Variants in SHQ1 observed in about 807,000 individuals in gnomAD.
The protein encoded by SHQ1 is SHQ1, H/ACA ribonucleoprotein assembly factor, also known as protein SHQ1 homolog.
Under a neutral mutation model 53.8 loss-of-function variants are expected in SHQ1, and 49 were observed. The observed-to-expected ratio is 0.91, with a 90% confidence interval of 0.72 to 1.16. The LOEUF (loss-of-function observed/expected upper bound fraction) is 1.16. SHQ1 is among the 50% of genes most tolerant of loss of function. SHQ1 has a pLI of 0.00. For missense variants in SHQ1, 738 were observed against 683.1 expected (o/e 1.08, Z -0.90); for synonymous variants, 243 against 251.0 (o/e 0.97, Z 0.30).
In SHQ1 at chr3:72,750,248, C is replaced by T. The variant is rs149286555; in HGVS notation, c.*36G>A. ...CATTCGGTAAATGAAACCCAATCTA[C>T]CATATTTCTCAACAATGAATAAAAC... On this transcript the variant is annotated 3_prime_UTR_variant, in exon 11 of 11. Transcript: ENST00000325599. 3,587 of 1,473,972 alleles carry T rather than the reference C, an allele frequency of 2.4e-3. 11 individuals are homozygous for T. Among genetic ancestry groups the T allele is most frequent in the Middle Eastern group, 8.8e-3 (48 of 5,478 alleles). 91.3% of individuals were successfully genotyped at this position (1,473,972 alleles called of 1,614,324 possible). A position where few individuals can be genotyped will look rare whatever the true frequency, so the allele number is the denominator to read the frequency against.
intron 9 of SHQ1, among the ~76,000 whole-genome samples, chr3:72,809,151 T>C (rs1041724795): frequency 1.3e-5 from 2 of 151,952 alleles, no homozygotes; most frequent in Non-Finnish European, 2.9e-5. Context: ...CAGAGCAACA[T>C]GGGGTGGCCA....
At chr3:72,752,704 T>G (rs1225938185) in intron 10 of SHQ1, among the ~76,000 whole-genome samples, 2 of 152,134 alleles carry the variant, frequency 1.3e-5, no homozygotes, top group Non-Finnish European at 2.9e-5. Context: ...TTTTTTTGTA[T>G]TTTTAGTAGA....
At chr3:72,778,450 A>AAAAAG (rs533692654) in intron 10 of SHQ1, among the ~76,000 whole-genome samples, 92 of 152,186 alleles carry the variant, frequency 6.0e-4, no homozygotes, top group South Asian at 1.0e-3. Flanking sequence ...GTCTCTTTAA[A>AAAAAG]AAAAGAAAAG....
At position 72,820,315 on chromosome 3, in the gene SHQ1, T is replaced by C. The variant is rs143855989; in HGVS notation, c.728-2931A>G. Among the ~76,000 whole-genome samples the C allele has an allele frequency of 5.5e-3, 843 of 152,336 alleles. 8 individuals are homozygous for C. The highest frequency in any genetic ancestry group is 0.018 in the African/African-American group (751 of 41,572). ...GAAAAACCTACTTGAATTATTCTTC[T>C]GAATTCTTGGATACTAGGAGCTGCT... is the stretch of plus-strand genomic sequence containing the variant. On this transcript the variant is annotated intron_variant, in intron 6 of 10. Coordinates refer to ENST00000325599, the MANE Select transcript of SHQ1 (RefSeq NM_018130.3).
intron 4 of SHQ1, among the ~76,000 whole-genome samples, chr3:72,837,242 G>A (rs1708030257): frequency 6.6e-6 from 1 of 152,174 alleles, no homozygotes; most frequent in Non-Finnish European, 1.5e-5. Flanking sequence ...ATATATCTCT[G>A]GGTATGGGGA....
intron 5 of SHQ1, 44 bp from the exon 6 acceptor site, chr3:72,824,595 G>A: frequency 6.4e-7 from 1 of 1,560,160 alleles, no homozygotes. Flanking sequence ...GGATTTCACT[G>A]GCTTTTACTT....
At position 72,750,576 on chromosome 3, in the gene SHQ1, T is replaced by G. The variant is rs767180976; in HGVS notation, c.1442A>C (p.Lys481Thr). The G allele has an allele frequency of 1.1e-5, 17 of 1,614,098 alleles. No individual in the cohort carries two copies. The highest frequency in any genetic ancestry group is 1.3e-5 in the Non-Finnish European group (15 of 1,180,036). ...SGSDSEQDEL[K>T]DSPSETVSSL... ...ACTGACTGTCTCAGATGGACTATCT[T>G]TGAGTTCATCTTGTTCTGAATCTGA... The change falls in exon 11 of 11, where the codon AAA becomes ACA. Residue 481 changes from lysine (K) to threonine (T), a missense_variant. By Grantham distance (78) the Lys-to-Thr change is moderately conservative. Transcript: ENST00000325599.
At chr3:72,778,024 T>C (rs915201456) in intron 10 of SHQ1, among the ~76,000 whole-genome samples, 9 of 152,170 alleles carry the variant, frequency 5.9e-5, no homozygotes, top group Admixed American at 4.6e-4. Flanking sequence ...TTGAGATATA[T>C]GCACAAATGG....
At chr3:72,734,195 C>T in the SHQ1 span, among the ~76,000 whole-genome samples, 3 of 151,326 alleles carry the variant, frequency 2.0e-5, no homozygotes, top group Non-Finnish European at 4.4e-5. Context: ...TGTAAAGCCC[C>T]TTGTCCAGAG....
downstream of SHQ1, among the ~76,000 whole-genome samples, chr3:72,744,901 C>A (rs1705228677): frequency 7.1e-6 from 1 of 140,048 alleles, no homozygotes; most frequent in Non-Finnish European, 1.5e-5. Flanking sequence ...AATGACATTC[C>A]ATGACAGGTC....
chr3:72,734,011 T>C, the SHQ1 span, among the ~76,000 whole-genome samples: 1 of 150,630 alleles, frequency 6.6e-6, no homozygotes, highest in African/African-American at 2.4e-5. Context: ...CTACCAAAAA[T>C]ACAAAAATTA....
At chr3:72,753,412 C>G in intron 10 of SHQ1, 1 of 985,356 alleles carries the variant, frequency 1.0e-6, no homozygotes, top group Non-Finnish European at 1.2e-6. Flanking sequence ...CCTGCATGTA[C>G]CTGAAATGCT....
intron 5 of SHQ1, 75 bp downstream of exon 5, chr3:72,832,293 GA>G: frequency 9.7e-7 from 1 of 1,027,164 alleles, no homozygotes; most frequent in Middle Eastern, 3.1e-4. Flanking sequence ...ATCCCTAGCA[GA>G]GTTTAAAAGA....
At chr3:72,840,608 A>G (rs1708150476) in intron 4 of SHQ1, among the ~76,000 whole-genome samples, 1 of 152,136 alleles carries the variant, frequency 6.6e-6, no homozygotes, top group Non-Finnish European at 1.5e-5. Flanking sequence ...ACTATACACC[A>G]AGAATTAGAC....
At chr3:72,748,376 C>T (rs916617603), downstream of SHQ1, among the ~76,000 whole-genome samples, 7 of 119,054 alleles carry the variant, frequency 5.9e-5, no homozygotes, top group Non-Finnish European at 1.1e-4. Context: ...CATATGAGGA[C>T]TTGTATCCAG....
downstream of SHQ1, among the ~76,000 whole-genome samples, chr3:72,748,327 T>C (rs1279960444): frequency 2.2e-5 from 1 of 46,244 alleles, no homozygotes. Flanking sequence ...CTATGAGGCA[T>C]GCAAAAAAAA....
At chr3:72,833,940 ATAACT>A (rs1186425910) in intron 4 of SHQ1, among the ~76,000 whole-genome samples, 3 of 152,266 alleles carry the variant, frequency 2.0e-5, no homozygotes, top group Non-Finnish European at 2.9e-5. Context: ...ATCAAGGGAA[ATAACT>A]TAGAGAGTTG....
chr3:72,792,958 T>TC lies in SHQ1; in HGVS notation c.1138dup (p.Asp380GlyfsTer74). On this transcript the variant is annotated frameshift_variant, in exon 10 of 11. Coordinates refer to ENST00000325599, the MANE Select transcript of SHQ1 (RefSeq NM_018130.3). LOFTEE classifies it low-confidence loss of function (END_TRUNC). ...CACACAGTAGTCTGAGATGTAGAGA[T>TC]CATTCAGTATGTACGCTGGGTCATT... The TC allele has an allele frequency of 3.1e-6, 5 of 1,611,942 alleles. No homozygotes were observed. Among genetic ancestry groups the TC allele is most frequent in the Non-Finnish European group, 4.2e-6 (5 of 1,179,654 alleles).
chr3:72,742,712 C>CCT, the SHQ1 span, among the ~76,000 whole-genome samples: 1 of 150,210 alleles, frequency 6.7e-6, no homozygotes, highest in Non-Finnish European at 1.5e-5. Flanking sequence ...TGCCTCCCAA[C>CCT]TTCAAGCGTT....
Sources: allele counts gnomAD v4.1 joint callset (sites outside exome capture counted in the v4.1 genomes callset), GRCh38; gene constraint gnomAD v4.1.1; transcripts MANE v1.5; gene names NCBI Gene and HGNC (gene_info 2026-07-23, HGNC 2026-07-21).